RYR3: variants seen among roughly 807,000 people sequenced by gnomAD.
RYR3 encodes ryanodine receptor 3.
RYR3 carries 207 observed loss-of-function variants against 584.3 expected under a neutral mutation model. The observed-to-expected ratio is 0.35, with a 90% confidence interval of 0.32 to 0.40. The LOEUF (loss-of-function observed/expected upper bound fraction) is 0.40, where lower values mean the gene tolerates loss of function less well. Among genes scored for constraint, RYR3 ranks in the 10% least tolerant of loss-of-function variants. RYR3 has a pLI of 1.00. For synonymous variants in RYR3, 2,416 were observed against 2,248.5 expected (o/e 1.07, Z -2.11); for missense variants, 5,616 against 6,089.2 (o/e 0.92, Z 2.59).
chr15:33,352,101 T>C (rs978151986), intron 1 of RYR3, among the ~76,000 whole-genome samples: 4 of 152,218 alleles, frequency 2.6e-5, no homozygotes, highest in Non-Finnish European at 5.9e-5. Context: ...ACAAGCATTC[T>C]TGTGTACCTT....
chr15:33,675,867 C>T (rs1432779053), intron 38 of RYR3, among the ~76,000 whole-genome samples: 1 of 152,080 alleles, frequency 6.6e-6, no homozygotes, highest in Non-Finnish European at 1.5e-5. Context: ...GTGTAGCCCT[C>T]CCTGCAGCAG....
chr15:33,530,525 G>T, intron 3 of RYR3, 67 bp from the exon 4 acceptor site: 1 of 1,057,880 alleles, frequency 9.5e-7, no homozygotes, highest in Non-Finnish European at 1.5e-6. Context: ...CAGAATTATT[G>T]TGTTGCTTGG....
At chr15:33,488,596 G>C (rs957778663) in intron 2 of RYR3, among the ~76,000 whole-genome samples, 3 of 152,052 alleles carry the variant, frequency 2.0e-5, no homozygotes, top group Non-Finnish European at 2.9e-5. Context: ...GCTGATGCCT[G>C]TAATCCCAGC....
At chr15:33,557,965 G>C (rs902320697) in intron 10 of RYR3, among the ~76,000 whole-genome samples, 3 of 152,166 alleles carry the variant, frequency 2.0e-5, no homozygotes, top group African/African-American at 7.2e-5. Context: ...AAACAAGGTT[G>C]ATGCAGATAA....
chr15:33,656,310 C>A (rs560244724), intron 32 of RYR3, among the ~76,000 whole-genome samples: 2 of 152,188 alleles, frequency 1.3e-5, no homozygotes, highest in African/African-American at 2.4e-5. Flanking sequence ...GGGCTGGTTG[C>A]GCAATCCATG....
intron 18 of RYR3, among the ~76,000 whole-genome samples, chr15:33,610,682 A>T (rs961268740): frequency 1.3e-5 from 2 of 152,224 alleles, no homozygotes; most frequent in Non-Finnish European, 2.9e-5. Context: ...CGAAGTTCTT[A>T]GGACCAAAAG....
chr15:33,498,153 T>C (rs572850465), intron 2 of RYR3, among the ~76,000 whole-genome samples: 1 of 152,322 alleles, frequency 6.6e-6, no homozygotes, highest in South Asian at 2.1e-4. Context: ...TGCTATGTAA[T>C]ATGCAATAAG....
chr15:33,519,570 C>A (rs1041933752), intron 3 of RYR3, among the ~76,000 whole-genome samples: 5 of 151,916 alleles, frequency 3.3e-5, no homozygotes, highest in Admixed American at 2.6e-4. Context: ...GAGCTCAGAC[C>A]TCACCATAGG....
At chr15:33,388,053 A>G (rs1369764745) in intron 1 of RYR3, among the ~76,000 whole-genome samples, 2 of 152,218 alleles carry the variant, frequency 1.3e-5, no homozygotes, top group Non-Finnish European at 2.9e-5. Context: ...CAGAGAAAAC[A>G]CAGTTTCTGA....
intron 1 of RYR3, among the ~76,000 whole-genome samples, chr15:33,398,054 A>G (rs2042404509): frequency 6.6e-6 from 1 of 152,238 alleles, no homozygotes; most frequent in Admixed American, 6.5e-5. Flanking sequence ...ATGTAATAAT[A>G]TATTTCAATT....
chr15:33,710,587 A>T (rs752436048), intron 43 of RYR3, among the ~76,000 whole-genome samples: 1 of 151,936 alleles, frequency 6.6e-6, no homozygotes. Flanking sequence ...CTCCAACCCC[A>T]CATTTCCCGT....
At chr15:33,344,786 A>C (rs962507890) in intron 1 of RYR3, among the ~76,000 whole-genome samples, 2 of 152,204 alleles carry the variant, frequency 1.3e-5, no homozygotes, top group Non-Finnish European at 2.9e-5. Context: ...TACAAAGCTC[A>C]AAGTAGGGGA....
At chr15:33,467,675 C>T (rs2048596970) in intron 1 of RYR3, among the ~76,000 whole-genome samples, 1 of 152,192 alleles carries the variant, frequency 6.6e-6, no homozygotes, top group African/African-American at 2.4e-5. Context: ...TCAACACCAC[C>T]ACAAGCTGAA....
intron 46 of RYR3, among the ~76,000 whole-genome samples, chr15:33,727,173 TTAGG>T (rs1273832341): frequency 1.3e-5 from 2 of 152,238 alleles, no homozygotes; most frequent in Non-Finnish European, 2.9e-5. Context: ...GTCGCATGCC[TTAGG>T]GCTGAGGATC....
chr15:33,543,834 C>T (rs934287836), intron 8 of RYR3, 119 bp downstream of exon 8: 1 of 744,536 alleles, frequency 1.3e-6, no homozygotes, highest in Non-Finnish European at 2.4e-6. Context: ...ATTGACAAAC[C>T]TTCCTCCAGC....
At chr15:33,621,456 C>G (rs1289471201) in intron 19 of RYR3, among the ~76,000 whole-genome samples, 2 of 152,170 alleles carry the variant, frequency 1.3e-5, no homozygotes, top group Non-Finnish European at 2.9e-5. Flanking sequence ...AAGTTCTCAA[C>G]AAATAATTTT....
Position 33,736,193 on chromosome 15 carries a change from G to C in RYR3, c.7425-42G>C, listed in dbSNP as rs375868506. 6 of 1,283,338 alleles carry C rather than the reference G, an allele frequency of 4.7e-6. No individual in the cohort carries two copies. In the African/African-American group the frequency reaches 5.9e-5, roughly 13 times the overall value. 79.5% of individuals were successfully genotyped at this position (1,283,338 alleles called of 1,614,324 possible). ...TCTTTCATTCCTCCTTTATTATTAT[G>C]TTTTCATTTTATTTATCTACGTTTG... On this transcript the variant is annotated intron_variant, in intron 48 of 103. Coordinates refer to ENST00000634891, the MANE Select transcript of RYR3 (RefSeq NM_001036.6).
chr15:33,656,019 A>T (rs749690147), intron 32 of RYR3, among the ~76,000 whole-genome samples: 1 of 152,222 alleles, frequency 6.6e-6, no homozygotes, highest in Non-Finnish European at 1.5e-5. Flanking sequence ...TCCACTTAAT[A>T]TAATCAGTGG....
chr15:33,865,051 G>C (rs1260007803), intron 103 of RYR3, 80 bp from the exon 104 acceptor site: 5 of 1,026,604 alleles, frequency 4.9e-6, no homozygotes, highest in Admixed American at 1.9e-5. Context: ...CCTAAAGGGA[G>C]CCACAAAGAA....
Sources: gnomAD v4.1 joint callset for allele counts (sites outside exome capture counted in the v4.1 genomes callset) on GRCh38, gnomAD v4.1.1 for gene constraint, MANE v1.5 for transcripts, NCBI Gene and HGNC (gene_info 2026-07-23, HGNC 2026-07-21) for gene names.